UBXN11: variants seen among roughly 807,000 people sequenced by gnomAD.
UBXN11 encodes the protein UBX domain-containing protein 11.
In UBXN11, 47 loss-of-function variants were observed where a neutral mutation model predicts 62.8. The observed-to-expected ratio is 0.75, with a 90% CI of 0.59 to 0.95. The LOEUF is 0.95. Ranked by LOEUF, UBXN11 falls within the 40% of genes least tolerant of loss-of-function variation. The probability of loss-of-function intolerance (pLI) is 0.00; values close to 1 mark genes in which losing one functional copy is unlikely to be tolerated. For synonymous variants in UBXN11, 294 were observed against 267.0 expected (o/e 1.10, Z -0.99); for missense variants, 638 against 661.7 (o/e 0.96, Z 0.39).
At chr1:26,297,323 T>C in intron 6 of UBXN11, 104 bp downstream of exon 6, 1 of 1,341,998 alleles carries the variant, frequency 7.5e-7, no homozygotes, top group Non-Finnish European at 9.9e-7. Flanking sequence ...AGTAGTCAGC[T>C]TGATGCTCTT....
chr1:26,284,402 C>G lies in UBXN11; in HGVS notation c.933G>C (p.Gln311His). ...FPGEGRVVGR[Q>H]LMHKALDRVE... ...CCCTGTCCAAGGCCTTGTGCATCAGCTGCCTGCCCACCACACGGCCCTCGC... is the reference window on the plus strand; with the variant it reads ...CCCTGTCCAAGGCCTTGTGCATCAGGTGCCTGCCCACCACACGGCCCTCGC... The change falls in exon 11 of 15, where the codon CAG becomes CAC. Residue 311 changes from glutamine (Q) to histidine (H), a missense_variant. Transcript: ENST00000374222. The G allele has an allele frequency of 6.2e-7, 1 of 1,613,928 alleles. No individual in the cohort carries two copies. Among genetic ancestry groups the G allele is most frequent in the South Asian group, 1.1e-5 (1 of 91,064 alleles).
intron 12 of UBXN11, among the ~76,000 whole-genome samples, chr1:26,283,774 A>G (rs190108485): frequency 6.6e-6 from 1 of 152,292 alleles, no homozygotes; most frequent in East Asian, 1.9e-4. Flanking sequence ...TAGGAGGAGA[A>G]GCAGAATAGG....
intron 8 of UBXN11, among the ~76,000 whole-genome samples, chr1:26,288,310 G>A (rs901151225): frequency 6.6e-6 from 1 of 152,152 alleles, no homozygotes; most frequent in African/African-American, 2.4e-5. Context: ...GTGAGACCAG[G>A]GAGGATGCCA....
chr1:26,290,424 C>A (rs2073233718), intron 8 of UBXN11, among the ~76,000 whole-genome samples: 1 of 152,204 alleles, frequency 6.6e-6, no homozygotes, highest in Non-Finnish European at 1.5e-5. Context: ...GCCCTCCCCA[C>A]AGAGCAGCAC....
chr1:26,304,911 C>A (rs2073626811), intron 1 of UBXN11, among the ~76,000 whole-genome samples: 1 of 151,492 alleles, frequency 6.6e-6, no homozygotes, highest in Admixed American at 6.6e-5. Context: ...TCAATCCCCC[C>A]ACTCCCAGAA....
intron 2 of UBXN11, among the ~76,000 whole-genome samples, chr1:26,302,087 G>T (rs951350754): frequency 6.6e-6 from 1 of 152,204 alleles, no homozygotes; most frequent in Non-Finnish European, 1.5e-5. Flanking sequence ...GACTCAAAGT[G>T]GGGCCAGGCG....
intron 10 of UBXN11, 109 bp from the exon 11 acceptor site, chr1:26,284,591 C>A (rs1047249796): frequency 1.5e-5 from 21 of 1,427,050 alleles, no homozygotes; most frequent in Non-Finnish European, 1.9e-5. Context: ...TCTAATGCAA[C>A]CCCCATTTTA....
upstream of UBXN11, among the ~76,000 whole-genome samples, chr1:26,307,352 A>C (rs1212484012): frequency 1.3e-5 from 2 of 152,210 alleles, no homozygotes; most frequent in Non-Finnish European, 2.9e-5. Context: ...TATATCTGTA[A>C]AACAGTGATA....
intron 8 of UBXN11, 35 bp downstream of exon 8, chr1:26,294,170 T>A (rs1243321813): frequency 1.9e-6 from 3 of 1,610,848 alleles, no homozygotes; most frequent in Non-Finnish European, 2.5e-6. Context: ...GAGAATTCCT[T>A]TTGAAGAGGG....
chr1:26,285,414 C>CCA, intron 10 of UBXN11, 50 bp downstream of exon 10: 1 of 1,589,578 alleles, frequency 6.3e-7, no homozygotes, highest in Non-Finnish European at 8.6e-7. Flanking sequence ...CTGTGTATCC[C>CCA]CACTCCCTTC....
chr1:26,311,452 C>CT (rs1281159820), upstream of UBXN11, among the ~76,000 whole-genome samples: 1 of 148,134 alleles, frequency 6.8e-6, no homozygotes, highest in African/African-American at 2.5e-5. Context: ...AGTCTCTATT[C>CT]TTTTTTTGAG....
At chr1:26,290,514 C>A (rs930104365) in intron 8 of UBXN11, among the ~76,000 whole-genome samples, 3 of 152,078 alleles carry the variant, frequency 2.0e-5, no homozygotes, top group African/African-American at 7.2e-5. Flanking sequence ...GCGGGCAAGG[C>A]GCTCTGTGGG....
At chr1:26,301,647 G>A in intron 3 of UBXN11, 47 bp downstream of exon 3, 1 of 1,610,084 alleles carries the variant, frequency 6.2e-7, no homozygotes, top group Non-Finnish European at 8.5e-7. Context: ...TGTAGGAGGT[G>A]CAAGCACATG....
chr1:26,283,979 C>T (rs1440164197), intron 12 of UBXN11, among the ~76,000 whole-genome samples, 163 bp downstream of exon 12: 3 of 152,176 alleles, frequency 2.0e-5, no homozygotes, highest in Admixed American at 1.3e-4. Flanking sequence ...CCCGTGCCCT[C>T]ACCAGCCTCA....
intron 1 of UBXN11, among the ~76,000 whole-genome samples, chr1:26,314,615 G>C (rs1298251344): frequency 6.6e-6 from 1 of 152,168 alleles, no homozygotes; most frequent in African/African-American, 2.4e-5. Context: ...GGTGGGAATA[G>C]ATCTAGATGA....
At chr1:26,307,172 T>A (rs2073688119), upstream of UBXN11, among the ~76,000 whole-genome samples, 3 of 152,186 alleles carry the variant, frequency 2.0e-5, no homozygotes, top group Non-Finnish European at 4.4e-5. Flanking sequence ...AGTTCCCTTG[T>A]GTTAAGAGTT....
chr1:26,306,833 G>GTT (rs1216481807), upstream of UBXN11: 2 of 32,068 alleles, frequency 6.2e-5, no homozygotes, highest in African/African-American at 1.5e-4. Context: ...GCGGGGTGGG[G>GTT]GGGGGGGGTG....
Position 26,296,994 on chromosome 1 carries a change from G to T in UBXN11, c.357C>A (p.Ala119=), listed in dbSNP as rs41285345. 3.7e-6 allele frequency: 6 copies of T among 1,600,676 alleles called. No homozygotes were observed. Among genetic ancestry groups the T allele is most frequent in the Non-Finnish European group, 4.3e-6 (5 of 1,173,142 alleles). The change falls in exon 7 of 15, where the codon GCC becomes GCA. Residue 119 remains alanine, a splice_region_variant and synonymous_variant. Coordinates refer to ENST00000374222, the MANE Select transcript of UBXN11 (RefSeq NM_001389556.1). ...DLVQTLRPHP[A]EATLQRQEEL... is the part of the protein sequence containing the mutation. ...CCTCCTGCCGCTGCAGGGTTGCCTC[G>T]GCTTCAGGGAAAGACAGGGACAGGC...
chr1:26,301,587 C>A, intron 3 of UBXN11, 107 bp downstream of exon 3: 1 of 1,496,114 alleles, frequency 6.7e-7, no homozygotes. Context: ...GAGGCCGCTG[C>A]TCCAGCTGAC....
Sources: gnomAD v4.1 joint callset for allele counts (sites outside exome capture counted in the v4.1 genomes callset) on GRCh38, gnomAD v4.1.1 for gene constraint, MANE v1.5 for transcripts, NCBI Gene and HGNC (gene_info 2026-07-23, HGNC 2026-07-21) for gene names.